GALNT14: variants seen among roughly 807,000 people sequenced by gnomAD.
The protein encoded by GALNT14 is UDP-GalNAc:polypeptide N-acetylgalactosaminyltransferase 14.
GALNT14 carries 60 observed loss-of-function variants against 77.5 expected under a neutral mutation model. That is an observed-to-expected ratio of 0.77 (90% CI 0.63 to 0.96). The LOEUF is 0.96. Ranked by LOEUF, GALNT14 falls within the 40% of genes least tolerant of loss-of-function variation. The pLI is 0.00. For synonymous variants in GALNT14, 280 were observed against 281.7 expected (o/e 0.99, Z 0.06); for missense variants, 710 against 731.0 (o/e 0.97, Z 0.33).
chr2:30,906,611 G>C (rs1445220781), downstream of GALNT14, among the ~76,000 whole-genome samples: 2 of 150,904 alleles, frequency 1.3e-5, no homozygotes. Context: ...TTAATAATGG[G>C]AGACTTTAAC....
the GALNT14 span, among the ~76,000 whole-genome samples, chr2:30,898,955 G>A: frequency 6.6e-6 from 1 of 152,286 alleles, no homozygotes; most frequent in East Asian, 1.9e-4. Context: ...ATGGAGGGGC[G>A]CTATTTTCTT....
At chr2:31,110,349 A>G (rs1161960082) in intron 1 of GALNT14, among the ~76,000 whole-genome samples, 2 of 152,204 alleles carry the variant, frequency 1.3e-5, no homozygotes, top group African/African-American at 4.8e-5. Flanking sequence ...TCCAAAGGCT[A>G]TGACTTCCAA....
Position 30,929,376 on chromosome 2 carries a change from A to G in GALNT14, c.1151+19T>C. ...CTCTTTTGCAGTCTCTGCCCTCCTCAACCTGAAGGGACACTTACTTCCCGA... is the reference window on the plus strand; with the variant it reads ...CTCTTTTGCAGTCTCTGCCCTCCTCGACCTGAAGGGACACTTACTTCCCGA... On this transcript the variant is annotated intron_variant, in intron 11 of 14. Coordinates refer to ENST00000349752, the MANE Select transcript of GALNT14 (RefSeq NM_024572.4). The G allele has an allele frequency of 6.2e-7, 1 of 1,604,710 alleles. No homozygotes were observed.
intron 1 of GALNT14, chr2:31,065,423 G>C (rs181959879): frequency 6.6e-6 from 1 of 152,204 alleles, no homozygotes; most frequent in Non-Finnish European, 1.5e-5. Flanking sequence ...TCAGAAAAAC[G>C]GGGAGAATAC....
chr2:30,904,128 C>T, the GALNT14 span, among the ~76,000 whole-genome samples: 5 of 152,188 alleles, frequency 3.3e-5, no homozygotes, highest in Admixed American at 1.3e-4. Context: ...CCACAGGGAG[C>T]CTACAGCCTC....
chr2:31,042,360 G>A (rs1242883938), intron 1 of GALNT14, among the ~76,000 whole-genome samples: 2 of 152,200 alleles, frequency 1.3e-5, no homozygotes, highest in East Asian at 3.8e-4. Context: ...GCCAGGTAAA[G>A]TTAATCGAGG....
At chr2:31,054,733 C>T (rs894096283) in intron 1 of GALNT14, among the ~76,000 whole-genome samples, 2 of 152,154 alleles carry the variant, frequency 1.3e-5, no homozygotes, top group African/African-American at 4.8e-5. Flanking sequence ...ACAGGAGAAA[C>T]AAAATGTCAC....
chr2:31,108,426 G>T (rs1677670356), intron 1 of GALNT14, among the ~76,000 whole-genome samples: 1 of 152,188 alleles, frequency 6.6e-6, no homozygotes, highest in Non-Finnish European at 1.5e-5. Flanking sequence ...AATTACACAG[G>T]CGGGCTCTAG....
At chr2:31,009,071 A>G (rs778310643) in intron 1 of GALNT14, among the ~76,000 whole-genome samples, 1 of 152,232 alleles carries the variant, frequency 6.6e-6, no homozygotes, top group African/African-American at 2.4e-5. Context: ...CTTGCAATTC[A>G]CTTCATTCAT....
intron 13 of GALNT14, among the ~76,000 whole-genome samples, chr2:30,913,211 T>C (rs1054502940): frequency 6.6e-6 from 1 of 152,164 alleles, no homozygotes. Context: ...TCCCCCAGGT[T>C]GTAAAATAAG....
chr2:30,970,891 TC>T (rs1668309658), intron 2 of GALNT14, among the ~76,000 whole-genome samples: 1 of 152,080 alleles, frequency 6.6e-6, no homozygotes. Context: ...CCGCCCCCAC[TC>T]CACAGATGAG....
At chr2:31,034,039 T>C (rs914940393) in intron 1 of GALNT14, among the ~76,000 whole-genome samples, 5 of 152,330 alleles carry the variant, frequency 3.3e-5, no homozygotes, top group South Asian at 2.1e-4. Context: ...TCTCATTTCA[T>C]AGTTGAGGGG....
chr2:31,135,744 T>C (rs1679202213), intron 1 of GALNT14, among the ~76,000 whole-genome samples: 2 of 152,210 alleles, frequency 1.3e-5, no homozygotes, highest in South Asian at 2.1e-4. Flanking sequence ...CACTCATTTG[T>C]TGGTAATTCT....
chr2:31,105,710 A>G (rs1440151234), intron 1 of GALNT14, among the ~76,000 whole-genome samples: 1 of 152,002 alleles, frequency 6.6e-6, no homozygotes, highest in Non-Finnish European at 1.5e-5. Flanking sequence ...GAGTGACAGA[A>G]CAAGACCCTG....
At chr2:31,037,824 C>T (rs988347121) in intron 1 of GALNT14, among the ~76,000 whole-genome samples, 2 of 151,834 alleles carry the variant, frequency 1.3e-5, no homozygotes, top group Non-Finnish European at 2.9e-5. Context: ...TGTTGGAGCA[C>T]ACTTTCTACA....
intron 1 of GALNT14, among the ~76,000 whole-genome samples, chr2:31,022,551 C>T (rs1029351547): frequency 6.6e-6 from 1 of 152,132 alleles, no homozygotes; most frequent in Non-Finnish European, 1.5e-5. Flanking sequence ...AACACTGCTA[C>T]AAAACAACGT....
At chr2:30,928,535 C>T (rs572806286) in intron 11 of GALNT14, among the ~76,000 whole-genome samples, 10 of 152,262 alleles carry the variant, frequency 6.6e-5, no homozygotes, top group East Asian at 1.9e-4. Flanking sequence ...GGAGTCATTA[C>T]GCCCATTCCT....
chr2:30,973,152 A>C (rs182187386), intron 2 of GALNT14, among the ~76,000 whole-genome samples: 93 of 152,334 alleles, frequency 6.1e-4, no homozygotes, highest in Non-Finnish European at 2.9e-5. Flanking sequence ...CATAAAACAT[A>C]AAGTGGGAAT....
At chr2:31,133,150 G>A (rs1047085885) in intron 1 of GALNT14, among the ~76,000 whole-genome samples, 1 of 152,110 alleles carries the variant, frequency 6.6e-6, no homozygotes, top group African/African-American at 2.4e-5. Flanking sequence ...CGGGGAGACT[G>A]ATTTGAGTAA....
Sources: allele counts gnomAD v4.1 joint callset (sites outside exome capture counted in the v4.1 genomes callset), GRCh38; gene constraint gnomAD v4.1.1; transcripts MANE v1.5; gene names NCBI Gene and HGNC (gene_info 2026-07-23, HGNC 2026-07-21).